Variants in SLC20A1 observed in about 807,000 individuals in gnomAD.
The protein encoded by SLC20A1 is solute carrier family 20 member 1.
A neutral mutation model predicts 62.7 loss-of-function variants in SLC20A1; 28 were observed. The ratio of observed to expected loss-of-function variants is 0.45; its 90% CI spans 0.33 to 0.61. The LOEUF (loss-of-function observed/expected upper bound fraction) is 0.61, where lower values mean the gene tolerates loss of function less well. Among genes scored for constraint, SLC20A1 ranks in the 20% least tolerant of loss-of-function variants. The pLI is 0.02. For missense variants in SLC20A1, 673 were observed against 838.6 expected, an observed-to-expected ratio of 0.80 and a Z score of 2.44; for synonymous variants, 305 against 302.9, an observed-to-expected ratio of 1.01 and a Z score of -0.07.
chr2:112,662,864 G>T lies in SLC20A1; in HGVS notation c.1879G>T (p.Val627Leu). Residue 627 changes from valine (V) to leucine (L), a missense_variant and splice_region_variant, in exon 11 of 11, where the codon GTG becomes TTG. By Grantham distance (32) the Val-to-Leu change is conservative (BLOSUM62 1). Transcript: ENST00000272542. ...TTTCCTTGGTCTGCTTCTCTTCTAG[G>T]TGGGCTCTGTTGTGTCTGTTGGCTG... is the stretch of plus-strand genomic sequence containing the variant. ...GLPISTTHCK[V>L]GSVVSVGWLR... 1 of 1,613,910 alleles carries T rather than the reference G, an allele frequency of 6.2e-7. No homozygotes were observed. The highest frequency in any genetic ancestry group is 8.5e-7 in the Non-Finnish European group (1 of 1,179,948).
chr2:112,647,574 G>T, intron 3 of SLC20A1, 79 bp from the exon 4 acceptor site: 2 of 1,576,322 alleles, frequency 1.3e-6, no homozygotes, highest in South Asian at 1.1e-5. Context: ...CAAGAATTTT[G>T]AACTCTTAAA....
At chr2:112,652,638 G>T in intron 4 of SLC20A1, 64 bp from the exon 5 acceptor site, 1 of 1,328,074 alleles carries the variant, frequency 7.5e-7, no homozygotes, top group Non-Finnish European at 1.1e-6. Flanking sequence ...CCTGTTAAAA[G>T]ATTCTGTGGA....
chr2:112,659,165 G>A, intron 7 of SLC20A1, 39 bp from the exon 8 acceptor site: 3 of 1,605,338 alleles, frequency 1.9e-6, no homozygotes, highest in Admixed American at 1.7e-5. Flanking sequence ...TGGATTTGAT[G>A]CTTTTTGTAT....
rs779262246 is a variant in SLC20A1 at position 112,659,380 on chromosome 2, G to A, written c.1225G>A (p.Asp409Asn). The A allele has an allele frequency of 6.2e-7, 1 of 1,614,042 alleles. No individual in the cohort carries two copies. The highest frequency in any genetic ancestry group is 1.3e-5 in the African/African-American group (1 of 74,912). ...KVGDCMGDSG[D>N]KPLRRNNSYT... is the part of the protein sequence containing the mutation. Reference sequence around the variant, plus strand: ...GGGAGATTGCATGGGAGACTCCGGTGACAAACCCTTAAGGCGCAATAATAG... The same window carrying A: ...GGGAGATTGCATGGGAGACTCCGGTAACAAACCCTTAAGGCGCAATAATAG... Residue 409 changes from aspartate (D) to asparagine (N), a missense_variant, in exon 8 of 11, where the codon GAC (aspartate) becomes AAC (asparagine). Asp to Asn is a conservative substitution (Grantham distance 23, BLOSUM62 1). Transcript: ENST00000272542.
intron 5 of SLC20A1, 189 bp from the exon 6 acceptor site, chr2:112,656,933 G>C: frequency 8.9e-6 from 6 of 674,102 alleles, no homozygotes; most frequent in African/African-American, 1.8e-5. Context: ...GTTTTCAGAT[G>C]ATCATTGAGT....
At chr2:112,646,291 C>T (rs1686272019) in intron 1 of SLC20A1, among the ~76,000 whole-genome samples, 162 bp downstream of exon 1, 1 of 151,912 alleles carries the variant, frequency 6.6e-6, no homozygotes, top group Non-Finnish European at 1.5e-5. Flanking sequence ...GCCTTTTTGG[C>T]GGTCCCCGGG....
chr2:112,652,823 ATG>A lies in SLC20A1; in HGVS notation c.658+28_658+29del, dbSNP rs1320909523. The stretch of plus-strand genomic sequence containing the variant: ...TGTAAGTACCTATCAAAATATTTAA[ATG>A]TGAATTTAAAGTTGTTTACAAAACT... On this transcript the variant is annotated intron_variant, in intron 5 of 10. Transcript: ENST00000272542. 2.5e-6 allele frequency: 4 copies of A among 1,611,938 alleles called. No homozygotes were observed. The African/African-American group carries it at 4.0e-5, about 16-fold the overall frequency.
intron 4 of SLC20A1, chr2:112,651,993 C>T (rs1004671901): frequency 2.0e-5 from 3 of 152,282 alleles, no homozygotes; most frequent in African/African-American, 4.8e-5. Context: ...TGGTGCCCCC[C>T]CTTCCATCAC....
rs764835023 is a variant in SLC20A1 at position 112,659,286 on chromosome 2, G to T, written c.1131G>T (p.Gln377His). Reference sequence around the variant, plus strand: ...AAATAAACTCCAGTGGCCACTACCAGTATCACACCGTGCATAAGGATTCCG... The same window carrying T: ...AAATAAACTCCAGTGGCCACTACCATTATCACACCGTGCATAAGGATTCCG... ...SNQINSSGHY[Q>H]YHTVHKDSGL... Residue 377 changes from glutamine to histidine, a missense_variant, in exon 8 of 11, where the codon CAG (glutamine) becomes CAT (histidine). Physicochemically the swap from Gln to His is conservative, Grantham distance 24. Transcript: ENST00000272542. 1.2e-6 allele frequency: 2 copies of T among 1,614,194 alleles called. No homozygotes were observed. The highest frequency in any genetic ancestry group is 2.2e-5 in the South Asian group (2 of 91,080).
chr2:112,648,485 TAAC>T (rs1287721667), intron 4 of SLC20A1, among the ~76,000 whole-genome samples: 2 of 152,222 alleles, frequency 1.3e-5, no homozygotes, highest in African/African-American at 2.4e-5. Context: ...GAATGGCTCT[TAAC>T]AATCCATTGT....
At chr2:112,648,064 C>T (rs1032060694) in intron 4 of SLC20A1, among the ~76,000 whole-genome samples, 1 of 152,092 alleles carries the variant, frequency 6.6e-6, no homozygotes, top group Admixed American at 6.5e-5. Flanking sequence ...CTGTTATATT[C>T]AGGCTAATAT....
chr2:112,658,384 CTG>C (rs1686654621), intron 6 of SLC20A1: 1 of 154,036 alleles, frequency 6.5e-6, no homozygotes, highest in East Asian at 1.9e-4. Context: ...AATTGGTGGA[CTG>C]AAATTTGAGA....
chr2:112,652,874 C>G, intron 5 of SLC20A1, 76 bp downstream of exon 5: 1 of 1,613,012 alleles, frequency 6.2e-7, no homozygotes, highest in South Asian at 1.1e-5. Context: ...CAATTTACCC[C>G]TTTTTGCTTT....
At chr2:112,662,604 A>T (rs997193422) in intron 10 of SLC20A1, among the ~76,000 whole-genome samples, 1 of 152,202 alleles carries the variant, frequency 6.6e-6, no homozygotes, top group Non-Finnish European at 1.5e-5. Context: ...TAAAAGCAGT[A>T]TATATTCATT....
At chr2:112,656,002 G>T (rs1686574800) in intron 5 of SLC20A1, among the ~76,000 whole-genome samples, 2 of 150,790 alleles carry the variant, frequency 1.3e-5, no homozygotes, top group African/African-American at 4.9e-5. Flanking sequence ...TGCCTGGCCA[G>T]TGCTTTACTT....
intron 4 of SLC20A1, 80 bp from the exon 5 acceptor site, chr2:112,652,622 A>G: frequency 3.5e-6 from 4 of 1,156,346 alleles, no homozygotes; most frequent in Non-Finnish European, 2.6e-6. Context: ...TAATTCCCAA[A>G]CCTACCCTGT....
At position 112,663,388 on chromosome 2, in the gene SLC20A1, G is replaced by C. The variant is rs550844331; in HGVS notation, c.*363G>C. ...TCTTTTTTTTAAACCATGAAGAGCCGTTTGACAGAGCATGCTCTGCGTTGT... is the reference window on the plus strand; with the variant it reads ...TCTTTTTTTTAAACCATGAAGAGCCCTTTGACAGAGCATGCTCTGCGTTGT... On this transcript the variant is annotated 3_prime_UTR_variant, in exon 11 of 11. Coordinates refer to ENST00000272542, the MANE Select transcript of SLC20A1 (RefSeq NM_005415.5). The C allele has an allele frequency of 2.9e-6, 1 of 349,924 alleles. No individual in the cohort carries two copies. The highest frequency in any genetic ancestry group is 2.2e-5 in the South Asian group (1 of 44,582). 21.7% of individuals were successfully genotyped at this position (349,924 alleles called of 1,614,324 possible).
chr2:112,653,727 A>G (rs1686505939), intron 5 of SLC20A1, among the ~76,000 whole-genome samples: 2 of 151,414 alleles, frequency 1.3e-5, no homozygotes, highest in Admixed American at 6.6e-5. Context: ...ATGGGTTGTG[A>G]CTTGCTCTTA....
chr2:112,646,957 T>A lies in SLC20A1; in HGVS notation c.129T>A (p.Asp43Glu). ...FVLAFSVGAN[D>E]VANSFGTAVG... ...TGGCATTCTCCGTGGGAGCCAATGA[T>A]GTAGCAAATTCTTTTGGTACAGCTG... The change falls in exon 2 of 11, where the codon GAT becomes GAA. Residue 43 changes from aspartate (D) to glutamate (E), a missense_variant. By Grantham distance (45) the Asp-to-Glu change is conservative. Coordinates refer to ENST00000272542, the MANE Select transcript of SLC20A1 (RefSeq NM_005415.5). 1 of 1,614,160 alleles carries A rather than the reference T, an allele frequency of 6.2e-7. No homozygotes were observed. The highest frequency in any genetic ancestry group is 8.5e-7 in the Non-Finnish European group (1 of 1,180,038).
Sources: gnomAD v4.1 joint callset for allele counts (sites outside exome capture counted in the v4.1 genomes callset) on GRCh38, gnomAD v4.1.1 for gene constraint, MANE v1.5 for transcripts, NCBI Gene and HGNC (gene_info 2026-07-23, HGNC 2026-07-21) for gene names.